Variants in GLIS1 observed in about 807,000 individuals in gnomAD.
GLIS1 encodes zinc finger protein GLIS1.
Under a neutral mutation model 63.8 loss-of-function variants are expected in GLIS1, and 24 were observed. The ratio of observed to expected loss-of-function variants is 0.38; its 90% CI spans 0.27 to 0.53. The LOEUF is 0.53. Ranked by LOEUF, GLIS1 falls within the 20% of genes least tolerant of loss-of-function variation. The probability of loss-of-function intolerance (pLI) is 0.85; values close to 1 mark genes in which losing one functional copy is unlikely to be tolerated. For synonymous variants in GLIS1, 450 were observed against 482.5 expected (o/e 0.93, Z 0.88); for missense variants, 1,036 against 1,074.1 (o/e 0.96, Z 0.50).
At position 53,594,652 on chromosome 1, in the gene GLIS1, G is replaced by A. The variant is rs1284273040; in HGVS notation, c.776C>T (p.Ser259Phe). ...SPASSSPCAS[S>F]DVTSIIRSSQ... ...GGAGCGGATGATGGAGGTGACGTCG[G>A]AGGAGGCACAGGGTGAGGAGGAGGC... is the stretch of plus-strand genomic sequence containing the variant. Residue 259 changes from serine (S) to phenylalanine (F), a missense_variant, in exon 4 of 11, where the codon TCC (serine) becomes TTC (phenylalanine). Ser to Phe is a radical substitution (Grantham distance 155). Coordinates refer to ENST00000628545, the MANE Select transcript of GLIS1 (RefSeq NM_001367484.1). The A allele has an allele frequency of 1.3e-6, 2 of 1,557,994 alleles. No homozygotes were observed. Among genetic ancestry groups the A allele is most frequent in the Non-Finnish European group, 1.7e-6 (2 of 1,148,986 alleles).
At chr1:53,690,066 C>T (rs983072772) in intron 2 of GLIS1, among the ~76,000 whole-genome samples, 1 of 152,230 alleles carries the variant, frequency 6.6e-6, no homozygotes, top group Non-Finnish European at 1.5e-5. Context: ...TTATCTGATA[C>T]CTGGTGGCCT....
intron 7 of GLIS1, among the ~76,000 whole-genome samples, chr1:53,519,465 G>A (rs951935656): frequency 6.6e-6 from 1 of 152,258 alleles, no homozygotes; most frequent in Non-Finnish European, 1.5e-5. Flanking sequence ...GAAAATGGTT[G>A]GAGTAATTCA....
chr1:53,734,498 G>A (rs1266488834), intron 2 of GLIS1, among the ~76,000 whole-genome samples: 1 of 152,226 alleles, frequency 6.6e-6, no homozygotes, highest in East Asian at 1.9e-4. Context: ...AATATTTGCA[G>A]CTGGAAGCCT....
At chr1:53,617,034 C>T (rs946324165) in intron 2 of GLIS1, among the ~76,000 whole-genome samples, 1 of 152,032 alleles carries the variant, frequency 6.6e-6, no homozygotes, top group Non-Finnish European at 1.5e-5. Flanking sequence ...ATGCAATCCT[C>T]TCTGCCCTCC....
At chr1:53,533,121 C>T (rs1644547848) in intron 4 of GLIS1, among the ~76,000 whole-genome samples, 1 of 152,262 alleles carries the variant, frequency 6.6e-6, no homozygotes, top group South Asian at 2.1e-4. Flanking sequence ...AATGCCTTTC[C>T]TTTATTTGCT....
chr1:53,712,719 C>A (rs530411924), intron 2 of GLIS1, among the ~76,000 whole-genome samples: 4 of 152,268 alleles, frequency 2.6e-5, no homozygotes, highest in African/African-American at 7.2e-5. Flanking sequence ...GCTTGCAGAG[C>A]CTGCCCTCCT....
chr1:53,642,549 C>T (rs1268824015), intron 2 of GLIS1, among the ~76,000 whole-genome samples: 1 of 152,190 alleles, frequency 6.6e-6, no homozygotes, highest in Admixed American at 6.5e-5. Flanking sequence ...CTAATGAACG[C>T]CTGTCTATCC....
intron 4 of GLIS1, among the ~76,000 whole-genome samples, chr1:53,533,585 C>T (rs1644552937): frequency 6.6e-6 from 1 of 152,212 alleles, no homozygotes; most frequent in African/African-American, 2.4e-5. Context: ...CCCGTCCCTC[C>T]AGGTGGAAAC....
chr1:53,643,863 C>T (rs1645814044), intron 2 of GLIS1, among the ~76,000 whole-genome samples: 1 of 152,094 alleles, frequency 6.6e-6, no homozygotes, highest in Non-Finnish European at 1.5e-5. Flanking sequence ...CCCCAGTAAG[C>T]TAGGGGGTAC....
chr1:53,552,323 T>G (rs1328357995), intron 4 of GLIS1, among the ~76,000 whole-genome samples: 2 of 149,762 alleles, frequency 1.3e-5, no homozygotes, highest in African/African-American at 2.5e-5. Context: ...GGCCCCCCGC[T>G]GCTCCTGTGC....
At chr1:53,557,599 C>G (rs984831549) in intron 4 of GLIS1, among the ~76,000 whole-genome samples, 2 of 152,162 alleles carry the variant, frequency 1.3e-5, no homozygotes, top group Non-Finnish European at 1.5e-5. Context: ...TGGGGAAGAG[C>G]CTGGCCCCCT....
intron 4 of GLIS1, among the ~76,000 whole-genome samples, chr1:53,546,171 T>C (rs1229343852): frequency 6.6e-6 from 1 of 152,224 alleles, no homozygotes; most frequent in Non-Finnish European, 1.5e-5. Flanking sequence ...TCACACATGA[T>C]GGCCAGGGAC....
chr1:53,613,501 TA>T (rs1645447399), intron 2 of GLIS1, among the ~76,000 whole-genome samples: 1 of 152,164 alleles, frequency 6.6e-6, no homozygotes, highest in African/African-American at 2.4e-5. Context: ...GTAAGTAAAT[TA>T]TTGTGAAGTT....
chr1:53,694,161 G>T (rs567141431), intron 2 of GLIS1, among the ~76,000 whole-genome samples: 3 of 152,188 alleles, frequency 2.0e-5, no homozygotes, highest in South Asian at 2.1e-4. Flanking sequence ...CTGGGGTCAG[G>T]GCAGGTCTAG....
At position 53,646,345 on chromosome 1, in the gene GLIS1, G is replaced by T. The variant is rs897299027; in HGVS notation, c.260-46067C>A. 2.6e-5 allele frequency among the ~76,000 whole-genome samples: 4 copies of T among 152,126 alleles called. No individual in the cohort carries two copies. The highest frequency in any genetic ancestry group is 9.7e-5 in the African/African-American group (4 of 41,414). The stretch of plus-strand genomic sequence containing the variant: ...TAAAAACAAACTAGACCATTAAAAA[G>T]TTAATTTGACAAGGTCAGTAGATAT... On this transcript the variant is annotated intron_variant, in intron 2 of 10. Transcript: ENST00000628545. The surrounding 1 kb of genome is among the most constrained non-coding windows in gnomAD (Gnocchi z 4.2).
intron 7 of GLIS1, among the ~76,000 whole-genome samples, chr1:53,518,594 C>G (rs1644375604): frequency 6.6e-6 from 1 of 152,168 alleles, no homozygotes; most frequent in East Asian, 1.9e-4. Flanking sequence ...CCCTCAGTGC[C>G]TGGGAGGGAA....
chr1:53,512,754 T>C (rs1331301844), intron 8 of GLIS1, among the ~76,000 whole-genome samples: 1 of 152,158 alleles, frequency 6.6e-6, no homozygotes, highest in Non-Finnish European at 1.5e-5. Context: ...CGGGCACTTA[T>C]GCAGGCGGCA....
rs773361849 is a variant in GLIS1 at position 53,594,379 on chromosome 1, G to C, written c.1049C>G (p.Pro350Arg). Reference protein sequence around the residue: ...PPPYPLSQLPPGPSLGGLGLG... With the variant: ...PPPYPLSQLPRGPSLGGLGLG... The stretch of plus-strand genomic sequence containing the variant: ...CCCCAGGCCTCCAAGGCTTGGGCCA[G>C]GCGGCAACTGAGACAGGGGATAGGG... The change falls in exon 4 of 11, where the codon CCT (proline) becomes CGT (arginine). Residue 350 changes from proline (P) to arginine (R), a missense_variant. Around this residue, in one of 3 missense-constraint regions of GLIS1, gnomAD observed 592 missense variants for 593.9 expected, o/e 1.00. Coordinates refer to ENST00000628545, the MANE Select transcript of GLIS1 (RefSeq NM_001367484.1). 3 of 1,611,622 alleles carry C rather than the reference G, an allele frequency of 1.9e-6. No homozygotes were observed. The highest frequency in any genetic ancestry group is 3.3e-5 in the Admixed American group (2 of 59,870).
chr1:53,642,802 G>A (rs994829655), intron 2 of GLIS1, among the ~76,000 whole-genome samples: 1 of 152,072 alleles, frequency 6.6e-6, no homozygotes, highest in Non-Finnish European at 1.5e-5. Flanking sequence ...AAGTCTCCCT[G>A]ATCTCCACCA....
Sources: allele counts gnomAD v4.1 joint callset (sites outside exome capture counted in the v4.1 genomes callset), GRCh38; gene constraint gnomAD v4.1.1; regional missense constraint gnomAD v4.1.1; non-coding constraint Gnocchi (gnomAD v3.1); transcripts MANE v1.5; gene names NCBI Gene and HGNC (gene_info 2026-07-23, HGNC 2026-07-21).